Variants in SETBP1 observed in about 807,000 individuals in gnomAD.
SETBP1 encodes SET binding protein 1.
A neutral mutation model predicts 101.0 loss-of-function variants in SETBP1; 9 were observed. The ratio of observed to expected loss-of-function variants is 0.09; its 90% CI spans 0.05 to 0.16. The LOEUF (loss-of-function observed/expected upper bound fraction) is 0.16. Ranked by LOEUF, SETBP1 falls within the 10% of genes least tolerant of loss-of-function variation. The probability of loss-of-function intolerance (pLI) is 1.00; values close to 1 mark genes in which losing one functional copy is unlikely to be tolerated. For synonymous variants in SETBP1, 818 were observed against 788.5 expected, an observed-to-expected ratio of 1.04 and a Z score of -0.63; for missense variants, 1,858 against 2,033.8, an observed-to-expected ratio of 0.91 and a Z score of 1.66.
At chr18:44,756,979 T>C (rs887646386) in intron 2 of SETBP1, among the ~76,000 whole-genome samples, 4 of 152,236 alleles carry the variant, frequency 2.6e-5, no homozygotes, top group Non-Finnish European at 5.9e-5. Context: ...TTTGGTGCCC[T>C]GCAGATGGAT....
At chr18:44,854,067 A>C (rs1189609019) in intron 2 of SETBP1, among the ~76,000 whole-genome samples, 2 of 152,054 alleles carry the variant, frequency 1.3e-5, no homozygotes, top group Non-Finnish European at 2.9e-5. Context: ...TTTGGTTTTC[A>C]TATTCAAAAT....
chr18:44,843,885 T>C (rs2144542592), intron 2 of SETBP1, among the ~76,000 whole-genome samples: 1 of 152,306 alleles, frequency 6.6e-6, no homozygotes, highest in East Asian at 1.9e-4. Flanking sequence ...CAGGCATCTT[T>C]ATCAGAGTGT....
intron 4 of SETBP1, among the ~76,000 whole-genome samples, chr18:44,995,644 C>A (rs1177414537): frequency 6.6e-6 from 1 of 150,634 alleles, no homozygotes; most frequent in Non-Finnish European, 1.5e-5. Context: ...TCGTAAAGAA[C>A]AGAAATTTAT....
intron 2 of SETBP1, among the ~76,000 whole-genome samples, chr18:44,771,499 C>G (rs1357455604): frequency 2.0e-5 from 3 of 152,078 alleles, no homozygotes; most frequent in Non-Finnish European, 4.4e-5. Context: ...CCCAGACCAT[C>G]CATCCAGTGA....
chr18:44,785,041 A>G (rs754963261), intron 2 of SETBP1, among the ~76,000 whole-genome samples: 33 of 152,212 alleles, frequency 2.2e-4, no homozygotes, highest in Admixed American at 4.6e-4. Flanking sequence ...TACTTTGTAT[A>G]TTGGGAATCA....
At chr18:45,030,631 C>A (rs1387279050) in intron 4 of SETBP1, among the ~76,000 whole-genome samples, 5 of 149,932 alleles carry the variant, frequency 3.3e-5, no homozygotes, top group African/African-American at 1.0e-4. Flanking sequence ...GCTGTGAATC[C>A]ATCTGGTCCT....
chr18:44,994,273 A>G (rs1486880359), intron 4 of SETBP1, among the ~76,000 whole-genome samples: 2 of 152,310 alleles, frequency 1.3e-5, no homozygotes, highest in East Asian at 1.9e-4. Context: ...CAGGAAAATT[A>G]TAATCAGATT....
intron 3 of SETBP1, among the ~76,000 whole-genome samples, chr18:44,931,649 A>G (rs2070837157): frequency 2.0e-5 from 3 of 152,134 alleles, no homozygotes. Context: ...TATATTTAGG[A>G]TAGTTAGCTC....
At chr18:44,867,816 A>AT (rs1268734388) in intron 2 of SETBP1, among the ~76,000 whole-genome samples, 1 of 152,144 alleles carries the variant, frequency 6.6e-6, no homozygotes, top group African/African-American at 2.4e-5. Context: ...CTTAAGCACC[A>AT]TTTTTGGCAG....
chr18:44,727,002 A>G (rs930226645), intron 2 of SETBP1, among the ~76,000 whole-genome samples: 10 of 152,198 alleles, frequency 6.6e-5, no homozygotes, highest in African/African-American at 2.4e-4. Flanking sequence ...GCAAAATAAA[A>G]GAGGTGGACA....
chr18:44,915,823 C>A (rs1336430710), intron 3 of SETBP1, among the ~76,000 whole-genome samples: 1 of 152,184 alleles, frequency 6.6e-6, no homozygotes, highest in Non-Finnish European at 1.5e-5. Context: ...ATAATATGAT[C>A]CTCATTTTAC....
rs567203632 is a variant in SETBP1, at chr18:45,012,328, G to C, written c.4001-26157G>C. Among the ~76,000 whole-genome samples the C allele has an allele frequency of 2.0e-5, 3 of 152,224 alleles. No individual in the cohort carries two copies. In the South Asian group the frequency reaches 6.2e-4, roughly 32 times the overall value. ...ATCATGGGATGGAATCGGGGAGGCT[G>C]GGGAGGCAGATTTCGGATTGGCTAG... On this transcript the variant is annotated intron_variant, in intron 4 of 5. Coordinates refer to ENST00000649279, the MANE Select transcript of SETBP1 (RefSeq NM_015559.3).
chr18:44,859,309 A>G (rs985584622), intron 2 of SETBP1, among the ~76,000 whole-genome samples: 1 of 152,154 alleles, frequency 6.6e-6, no homozygotes, highest in Non-Finnish European at 1.5e-5. Context: ...GGGCTAATGG[A>G]AAGTCTGACT....
intron 2 of SETBP1, among the ~76,000 whole-genome samples, chr18:44,821,441 T>C (rs990837798): frequency 1.3e-5 from 2 of 152,244 alleles, no homozygotes; most frequent in African/African-American, 4.8e-5. Flanking sequence ...TCAAATGCTC[T>C]TTCAGAATTG....
intron 2 of SETBP1, among the ~76,000 whole-genome samples, chr18:44,715,870 C>T (rs1220136931): frequency 3.9e-5 from 6 of 152,176 alleles, no homozygotes; most frequent in African/African-American, 9.7e-5. Flanking sequence ...GAAGTGGGCG[C>T]GTCCAGATAC....
At chr18:44,734,937 T>C (rs994521712) in intron 2 of SETBP1, among the ~76,000 whole-genome samples, 7 of 152,266 alleles carry the variant, frequency 4.6e-5, no homozygotes, top group Admixed American at 4.6e-4. Context: ...TGACTCTATA[T>C]GATTAAGTTT....
intron 4 of SETBP1, among the ~76,000 whole-genome samples, chr18:44,968,620 A>C (rs1337629978): frequency 1.3e-5 from 2 of 152,212 alleles, no homozygotes; most frequent in African/African-American, 4.8e-5. Flanking sequence ...GCTGATTAGT[A>C]TGGCCATACT....
At chr18:44,945,737 G>T (rs376040689) in intron 3 of SETBP1, among the ~76,000 whole-genome samples, 5 of 152,192 alleles carry the variant, frequency 3.3e-5, no homozygotes, top group Non-Finnish European at 7.4e-5. Flanking sequence ...GTGGTATAAA[G>T]GCTTAAAAAG....
rs1257034571 is a variant in SETBP1 at position 44,949,935 on chromosome 18, C to A, written c.595C>A (p.Gln199Lys). The A allele has an allele frequency of 6.2e-7, 1 of 1,614,112 alleles. No homozygotes were observed. ...TCTCCATTATGACACGGGCCTCCCA[C>A]AGGACTTCACCGGTGACACCTTAAA... Reference protein sequence around the residue: ...STLHYDTGLPQDFTGDTLKPK... With the variant: ...STLHYDTGLPKDFTGDTLKPK... Residue 199 changes from glutamine (Q) to lysine (K), a missense_variant, in exon 4 of 6, where the codon CAG becomes AAG. Physicochemically the swap from Gln to Lys is moderately conservative, Grantham distance 53 (BLOSUM62 1). Coordinates refer to ENST00000649279, the MANE Select transcript of SETBP1 (RefSeq NM_015559.3).
Sources: allele counts gnomAD v4.1 joint callset (sites outside exome capture counted in the v4.1 genomes callset), GRCh38; gene constraint gnomAD v4.1.1; transcripts MANE v1.5; gene names NCBI Gene and HGNC (gene_info 2026-07-23, HGNC 2026-07-21).